Variants in PHTF1 observed in about 807,000 individuals in gnomAD.
PHTF1 encodes protein PHTF1.
In PHTF1, 88 loss-of-function variants were observed where a neutral mutation model predicts 102.4. The ratio of observed to expected loss-of-function variants is 0.86; its 90% CI spans 0.72 to 1.03. The LOEUF (loss-of-function observed/expected upper bound fraction) is 1.03, where lower values mean the gene tolerates loss of function less well. Ranked by LOEUF, PHTF1 falls within the 50% of genes least tolerant of loss-of-function variation. The pLI, the probability that PHTF1 is intolerant of heterozygous loss-of-function variation, is 0.00. For missense variants in PHTF1, 814 were observed against 909.5 expected (o/e 0.89, Z 1.35); for synonymous variants, 289 against 305.2 (o/e 0.95, Z 0.55).
chr1:113,700,762 C>A (rs1649347522), intron 16 of PHTF1, 32 bp downstream of exon 16: 2 of 1,602,262 alleles, frequency 1.2e-6, no homozygotes, highest in South Asian at 1.1e-5. Flanking sequence ...TACCCCTAAC[C>A]ACTAAACCCA....
chr1:113,732,532 C>T (rs1054479193), intron 5 of PHTF1, among the ~76,000 whole-genome samples: 1 of 152,076 alleles, frequency 6.6e-6, no homozygotes, highest in Non-Finnish European at 1.5e-5. Context: ...CAATGTTAAT[C>T]CATATTAAAC....
At chr1:113,733,540 G>C (rs1354906335) in intron 5 of PHTF1, among the ~76,000 whole-genome samples, 10 of 151,996 alleles carry the variant, frequency 6.6e-5, no homozygotes, top group Non-Finnish European at 5.9e-5. Context: ...TTAGGAGATG[G>C]GGCCTTTGGT....
At chr1:113,734,845 T>A (rs1476635230) in intron 5 of PHTF1, among the ~76,000 whole-genome samples, 3 of 152,094 alleles carry the variant, frequency 2.0e-5, no homozygotes, top group Non-Finnish European at 4.4e-5. Flanking sequence ...TTCCACCATG[T>A]GAGGACACAG....
chr1:113,724,639 T>C (rs886408722), intron 7 of PHTF1, 120 bp downstream of exon 7: 1 of 631,316 alleles, frequency 1.6e-6, no homozygotes, highest in South Asian at 4.4e-5. Flanking sequence ...AAGCAAGCCC[T>C]CTGATAACCC....
At chr1:113,730,354 A>T (rs1331121000) in intron 5 of PHTF1, among the ~76,000 whole-genome samples, 1 of 152,210 alleles carries the variant, frequency 6.6e-6, no homozygotes, top group African/African-American at 2.4e-5. Context: ...TTTCCTTAAC[A>T]TGCTAAAGAA....
At chr1:113,704,207 GCAGA>G (rs1263902398) in intron 14 of PHTF1, 40 bp from the exon 15 acceptor site, 1 of 1,282,950 alleles carries the variant, frequency 7.8e-7, no homozygotes, top group East Asian at 2.3e-5. Context: ...TTAGTTACTG[GCAGA>G]CAGCAACCGC....
At chr1:113,743,950 CT>C (rs1009303337) in intron 3 of PHTF1, among the ~76,000 whole-genome samples, 2 of 152,200 alleles carry the variant, frequency 1.3e-5, no homozygotes, top group African/African-American at 4.8e-5. Flanking sequence ...AACCACTACA[CT>C]ATCCTGCCTT....
intron 7 of PHTF1, chr1:113,713,953 AG>A (rs1651569324): frequency 6.5e-6 from 1 of 153,410 alleles, no homozygotes; most frequent in Non-Finnish European, 1.4e-5. Flanking sequence ...GAGTAGAACA[AG>A]GGACCAGAGT....
intron 3 of PHTF1, among the ~76,000 whole-genome samples, chr1:113,739,544 A>G (rs1656031390): frequency 6.6e-6 from 1 of 151,442 alleles, no homozygotes; most frequent in Non-Finnish European, 1.5e-5. Context: ...ATCAAACTAT[A>G]TCTATCACCT....
At chr1:113,727,583 T>C (rs891054300) in intron 5 of PHTF1, among the ~76,000 whole-genome samples, 1 of 152,252 alleles carries the variant, frequency 6.6e-6, no homozygotes, top group Admixed American at 6.5e-5. Flanking sequence ...AAGTATTTGT[T>C]GACTCAAGTG....
At chr1:113,721,283 A>G (rs1343335650) in intron 7 of PHTF1, among the ~76,000 whole-genome samples, 2 of 152,242 alleles carry the variant, frequency 1.3e-5, no homozygotes, top group Admixed American at 6.5e-5. Context: ...ATGATGAAAA[A>G]GCATTTGATA....
intron 18 of PHTF1, among the ~76,000 whole-genome samples, 200 bp downstream of exon 18, chr1:113,698,062 G>A (rs76363255): frequency 1.3e-5 from 2 of 151,970 alleles, no homozygotes; most frequent in African/African-American, 2.4e-5. Flanking sequence ...TGTTATATTT[G>A]TGTAAAATGA....
In PHTF1 at chr1:113,705,971, C is replaced by T. The variant is rs540546174; in HGVS notation, c.1590G>A (p.Ser530=). The part of the protein sequence containing the change: ...APPVTPIIVL[S]IINFFERLCL... ...ACAATCTTTCAAAAAAATTAATTAT[C>T]GACAAAACAATAATAGGTGTAACAG... Residue 530 remains serine (S), a synonymous_variant, in exon 13 of 19, where the codon TCG becomes TCA. Transcript: ENST00000369604. 12 of 1,613,638 alleles carry T rather than the reference C, an allele frequency of 7.4e-6. No individual in the cohort carries two copies. In the South Asian group the frequency reaches 1.1e-4, roughly 15 times the overall value.
intron 3 of PHTF1, among the ~76,000 whole-genome samples, chr1:113,745,740 T>C (rs1657132676): frequency 6.6e-6 from 1 of 152,164 alleles, no homozygotes; most frequent in Non-Finnish European, 1.5e-5. Flanking sequence ...ATGCTCCTTA[T>C]GAGAATCTAA....
rs374375598 is a variant in PHTF1 at position 113,710,464 on chromosome 1, C to T, written c.1059G>A (p.Ser353=). Residue 353 remains serine, a synonymous_variant, in exon 11 of 19, where the codon TCG becomes TCA. Transcript: ENST00000369604. ...GGCTTCGAGAGCCACCACTCACACC[C>T]GATCTAGAGCCCTTTAAAGGAAAAC... ...ESAAFSQGSR[S]GVSGGSRSLN... is the part of the protein sequence containing the mutation. 5.3e-5 allele frequency: 86 copies of T among 1,613,150 alleles called. No homozygotes were observed. Among genetic ancestry groups the T allele is most frequent in the African/African-American group, 4.0e-4 (30 of 74,974 alleles).
intron 5 of PHTF1, among the ~76,000 whole-genome samples, chr1:113,729,607 C>G (rs1006022360): frequency 6.6e-6 from 1 of 151,868 alleles, no homozygotes; most frequent in Non-Finnish European, 1.5e-5. Context: ...TGGGAAGTGA[C>G]CTCTAAACCC....
intron 15 of PHTF1, 49 bp from the exon 16 acceptor site, chr1:113,700,998 C>G: frequency 7.6e-7 from 1 of 1,308,948 alleles, no homozygotes; most frequent in Non-Finnish European, 1.1e-6. Flanking sequence ...ACCTTAAAAT[C>G]ATGTAATTAC....
At chr1:113,743,204 C>T (rs1656694610) in intron 3 of PHTF1, among the ~76,000 whole-genome samples, 1 of 152,006 alleles carries the variant, frequency 6.6e-6, no homozygotes, top group African/African-American at 2.4e-5. Context: ...TTTGTAATAA[C>T]AGTTTAAAAA....
chr1:113,720,032 A>T (rs1414984428), intron 7 of PHTF1, among the ~76,000 whole-genome samples: 3 of 152,146 alleles, frequency 2.0e-5, no homozygotes, highest in Non-Finnish European at 4.4e-5. Context: ...CTAGCACAGG[A>T]AAGACCAGCC....
Sources: gnomAD v4.1 joint callset for allele counts (sites outside exome capture counted in the v4.1 genomes callset) on GRCh38, gnomAD v4.1.1 for gene constraint, MANE v1.5 for transcripts, NCBI Gene and HGNC (gene_info 2026-07-23, HGNC 2026-07-21) for gene names.